The following PLEKHA6 variants were observed in gnomAD, a reference collection of about 807,000 sequenced individuals.
The protein encoded by PLEKHA6 is pleckstrin homology domain containing A6.
A neutral mutation model predicts 116.7 loss-of-function variants in PLEKHA6; 60 were observed. The ratio of observed to expected loss-of-function variants is 0.51; its 90% CI spans 0.42 to 0.64. The LOEUF is 0.64. Among genes scored for constraint, PLEKHA6 ranks in the 30% least tolerant of loss-of-function variants. PLEKHA6 has a pLI of 0.00. For missense variants in PLEKHA6, 1,338 were observed against 1,422.7 expected (o/e 0.94, Z 0.96); for synonymous variants, 489 against 556.1 (o/e 0.88, Z 1.70).
chr1:204,228,271 T>C lies in PLEKHA6; in HGVS notation c.2886-43A>G, dbSNP rs748776243. ...CACAGAAATGGAGGGAGGGACAGGA[T>C]GGTCCAAGTGGCTTGAGGGGGCCTG... On this transcript the variant is annotated intron_variant, in intron 20 of 22. Transcript: ENST00000272203. The surrounding 1 kb of genome is among the most constrained non-coding windows in gnomAD (Gnocchi z 4.0). 1.4e-5 allele frequency: 21 copies of C among 1,543,102 alleles called. No individual in the cohort carries two copies. In the African/African-American group the frequency reaches 2.5e-4, roughly 18 times the overall value.
chr1:204,377,450 CTTATTAGTCA>C (rs1225561531), intron 1 of PLEKHA6: 1 of 152,180 alleles, frequency 6.6e-6, no homozygotes, highest in African/African-American at 2.4e-5. Context: ...TGGTGATAAA[CTTATTAGTCA>C]TGCCCGCCCT....
At chr1:204,292,071 C>T (rs138183542) in intron 1 of PLEKHA6, among the ~76,000 whole-genome samples, 7 of 152,332 alleles carry the variant, frequency 4.6e-5, no homozygotes, top group Admixed American at 4.6e-4. Context: ...ATGCTGGTTA[C>T]AGGCAGAGAT....
In PLEKHA6 at chr1:204,230,674, G is replaced by T. The variant is rs1380697905; in HGVS notation, c.2410-88C>A. ...TGAACCCTTAACATTTACCTTCTACGGGAAGTCTGCCTGTAGTGGACTGAA... is the reference window on the plus strand; with the variant it reads ...TGAACCCTTAACATTTACCTTCTACTGGAAGTCTGCCTGTAGTGGACTGAA... On this transcript the variant is annotated intron_variant, in intron 17 of 22. Transcript: ENST00000272203. 3 of 1,172,438 alleles carry T rather than the reference G, an allele frequency of 2.6e-6. No homozygotes were observed. The African/African-American group carries it at 4.7e-5, about 18-fold the overall frequency. 72.6% of individuals were successfully genotyped at this position (1,172,438 alleles called of 1,614,324 possible).
intron 14 of PLEKHA6, 47 bp downstream of exon 14, chr1:204,245,568 T>C: frequency 8.7e-7 from 1 of 1,147,760 alleles, no homozygotes; most frequent in Non-Finnish European, 1.3e-6. Context: ...ACTGGAGCAC[T>C]CCTGGTGAGG....
At chr1:204,294,940 T>C (rs1670126881) in intron 1 of PLEKHA6, among the ~76,000 whole-genome samples, 1 of 152,236 alleles carries the variant, frequency 6.6e-6, no homozygotes, top group South Asian at 2.1e-4. Flanking sequence ...TCAATTTTGA[T>C]TATAAAACCC....
At chr1:204,373,086 C>CTTTTTTTTTTTTTTTT (rs973883787) in intron 1 of PLEKHA6, among the ~76,000 whole-genome samples, 1 of 113,432 alleles carries the variant, frequency 8.8e-6, no homozygotes, top group African/African-American at 3.7e-5. Flanking sequence ...TTTTTTCTTT[C>CTTTTTTTTTTTTTTTT]TTTTTTTTTT....
At chr1:204,327,059 C>G (rs951011559) in intron 1 of PLEKHA6, 2 of 888,794 alleles carry the variant, frequency 2.3e-6, no homozygotes, top group East Asian at 1.2e-4. Flanking sequence ...CTCTCCATCC[C>G]CTCCTCCTCC....
intron 21 of PLEKHA6, among the ~76,000 whole-genome samples, chr1:204,226,748 A>G (rs899280568): frequency 8.5e-5 from 13 of 152,206 alleles, no homozygotes; most frequent in Non-Finnish European, 1.3e-4. Context: ...AAGGTTCTTC[A>G]TTAAGGCTTA....
At chr1:204,341,402 G>A (rs1672842068) in intron 1 of PLEKHA6, among the ~76,000 whole-genome samples, 1 of 152,162 alleles carries the variant, frequency 6.6e-6, no homozygotes, top group Non-Finnish European at 1.5e-5. Flanking sequence ...GGATACTGGT[G>A]ACTACTCCAA....
At chr1:204,241,932 C>T (rs1662880906) in intron 15 of PLEKHA6, 118 bp from the exon 16 acceptor site, 1 of 1,143,694 alleles carries the variant, frequency 8.7e-7, no homozygotes, top group East Asian at 2.4e-5. Flanking sequence ...ATACAAGGAA[C>T]AAGGAAATTC....
chr1:204,243,623 T>C (rs751613071), intron 15 of PLEKHA6, among the ~76,000 whole-genome samples: 33 of 152,252 alleles, frequency 2.2e-4, no homozygotes, highest in Non-Finnish European at 4.0e-4. Context: ...TCTCCCTGTC[T>C]TGCTGCTCTG....
At chr1:204,367,311 C>T (rs1673681874) in intron 3 of PLEKHA6, among the ~76,000 whole-genome samples, 1 of 152,222 alleles carries the variant, frequency 6.6e-6, no homozygotes, top group Non-Finnish European at 1.5e-5. Context: ...CACAAACCAC[C>T]CCCAGAATCG....
In PLEKHA6 at chr1:204,259,148, C is replaced by T; in HGVS notation, c.1007+110G>A. ...GGATTTGCTTGGTTTCCCAACTCAG[C>T]CTGCTTCCAGAAGGTTTCCAACAGG... On this transcript the variant is annotated intron_variant, in intron 8 of 22. Transcript: ENST00000272203. The surrounding 1 kb of genome is among the most constrained non-coding windows in gnomAD (Gnocchi z 4.6). 1.5e-6 allele frequency: 2 copies of T among 1,297,710 alleles called. No homozygotes were observed. The highest frequency in any genetic ancestry group is 2.1e-6 in the Non-Finnish European group (2 of 954,232). The allele number at this position is 1,297,710 out of a possible 1,614,324, so 80.4% of individuals were successfully genotyped here. A position where few individuals can be genotyped will look rare whatever the true frequency, so the allele number is the denominator to read the frequency against.
rs761100954 is a variant in PLEKHA6, at chr1:204,244,998, GTCC to G, written c.2035_2037del (p.Gly679del). On this transcript the variant is annotated inframe_deletion and splice_region_variant, in exon 15 of 23. Transcript: ENST00000272203. ...GAGCTGTAGGTGGCTGAGGGGCCAAGTCCTCCTTGGGGGAAACAAGGGGATGGG... is the reference window on the plus strand; with the variant it reads ...GAGCTGTAGGTGGCTGAGGGGCCAAGTCCTTGGGGGAAACAAGGGGATGGG... 10 of 1,430,460 alleles carry G rather than the reference GTCC, an allele frequency of 7.0e-6. No individual in the cohort carries two copies. Among genetic ancestry groups the G allele is most frequent in the Non-Finnish European group, 9.2e-6 (10 of 1,090,054 alleles). 88.6% of individuals were successfully genotyped at this position (1,430,460 alleles called of 1,614,324 possible).
intron 17 of PLEKHA6, among the ~76,000 whole-genome samples, chr1:204,233,053 T>G (rs1003817585): frequency 1.3e-5 from 2 of 152,156 alleles, no homozygotes; most frequent in Non-Finnish European, 2.9e-5. Context: ...TCCTCCTGCC[T>G]CAGCCTCCCA....
intron 9 of PLEKHA6, among the ~76,000 whole-genome samples, chr1:204,255,965 G>A (rs540583778): frequency 6.6e-6 from 1 of 152,306 alleles, no homozygotes; most frequent in East Asian, 1.9e-4. Flanking sequence ...AGTGTCATCA[G>A]AGCAATTTAG....
chr1:204,358,517 C>T (rs961648732), intron 1 of PLEKHA6, among the ~76,000 whole-genome samples: 18 of 152,198 alleles, frequency 1.2e-4, no homozygotes, highest in African/African-American at 4.3e-4. Context: ...CCCGCAGTGC[C>T]CCCGCACCTG....
chr1:204,236,115 T>C (rs968449666), intron 17 of PLEKHA6, among the ~76,000 whole-genome samples: 11 of 152,168 alleles, frequency 7.2e-5, no homozygotes, highest in African/African-American at 2.4e-4. Context: ...GGAATGGATA[T>C]TAAGAGTGTG....
rs1303495465 is a variant in PLEKHA6, at chr1:204,219,585, G to A, written c.*3203C>T. 1 of 152,190 alleles carries A rather than the reference G, an allele frequency of 6.6e-6. No individual in the cohort carries two copies. The highest frequency in any genetic ancestry group is 1.5e-5 in the Non-Finnish European group (1 of 68,032). The allele number at this position is 152,190 out of a possible 1,614,324, so 9.4% of individuals were successfully genotyped here. Reference sequence around the variant, plus strand: ...GGGCTCTGTTCATTCAGAGCAGGATGTTCTAGGCTGGCGACAGGGTGTCAG... The same window carrying A: ...GGGCTCTGTTCATTCAGAGCAGGATATTCTAGGCTGGCGACAGGGTGTCAG... On this transcript the variant is annotated 3_prime_UTR_variant, in exon 23 of 23. Transcript: ENST00000272203.
Sources: allele counts gnomAD v4.1 joint callset (sites outside exome capture counted in the v4.1 genomes callset), GRCh38; gene constraint gnomAD v4.1.1; non-coding constraint Gnocchi (gnomAD v3.1); transcripts MANE v1.5; gene names NCBI Gene and HGNC (gene_info 2026-07-23, HGNC 2026-07-21).